The following PLXDC2 variants were observed in gnomAD, a reference collection of about 807,000 sequenced individuals.
PLXDC2 encodes the protein plexin domain containing 2, also known as plexin domain-containing protein 2.
PLXDC2 carries 40 observed loss-of-function variants against 68.9 expected under a neutral mutation model. The observed-to-expected ratio is 0.58, with a 90% CI of 0.45 to 0.76. The LOEUF is 0.76. Ranked by LOEUF, PLXDC2 falls within the 30% of genes least tolerant of loss-of-function variation. The pLI, the probability that PLXDC2 is intolerant of heterozygous loss-of-function variation, is 0.00. For missense variants in PLXDC2, 644 were observed against 661.9 expected (o/e 0.97, Z 0.30); for synonymous variants, 243 against 234.2 (o/e 1.04, Z -0.34).
At chr10:19,852,363 C>A (rs1306023009) in intron 1 of PLXDC2, among the ~76,000 whole-genome samples, 1 of 131,330 alleles carries the variant, frequency 7.6e-6, no homozygotes, top group Admixed American at 9.0e-5. Flanking sequence ...GAGATTGAGG[C>A]TGCAGTGAGC....
intron 4 of PLXDC2, among the ~76,000 whole-genome samples, chr10:20,082,181 ATTAT>A (rs1394432092): frequency 6.6e-6 from 1 of 151,942 alleles, no homozygotes; most frequent in Non-Finnish European, 1.5e-5. Flanking sequence ...TAAAAAGGAC[ATTAT>A]GTAAACAGAA....
chr10:20,026,440 C>T (rs943907319), intron 2 of PLXDC2, among the ~76,000 whole-genome samples: 71 of 152,114 alleles, frequency 4.7e-4, no homozygotes, highest in African/African-American at 1.6e-3. Context: ...TCAATTTAAT[C>T]ATGTGATTTA....
chr10:19,969,905 C>G (rs751628896), intron 1 of PLXDC2, among the ~76,000 whole-genome samples: 1 of 152,182 alleles, frequency 6.6e-6, no homozygotes, highest in Non-Finnish European at 1.5e-5. Context: ...ATACTGCATA[C>G]AATCCAGAGG....
At chr10:19,887,094 C>G (rs1429917883) in intron 1 of PLXDC2, among the ~76,000 whole-genome samples, 2 of 152,186 alleles carry the variant, frequency 1.3e-5, no homozygotes, top group Non-Finnish European at 2.9e-5. Context: ...TTGAAAACCA[C>G]TAGTTAGGAT....
chr10:20,171,900 G>T (rs773473525), intron 7 of PLXDC2, among the ~76,000 whole-genome samples: 2 of 152,010 alleles, frequency 1.3e-5, no homozygotes, highest in Admixed American at 6.6e-5. Context: ...ACTTGAGCCC[G>T]CCAGTTCCAG....
At chr10:19,885,410 A>G (rs1254093468) in intron 1 of PLXDC2, among the ~76,000 whole-genome samples, 2 of 152,116 alleles carry the variant, frequency 1.3e-5, no homozygotes, top group Admixed American at 1.3e-4. Flanking sequence ...TTGGTGTTTT[A>G]GACATGAAGT....
In PLXDC2 at chr10:19,975,440, A is replaced by G. The variant is rs1834436619; in HGVS notation, c.113-26335A>G. Among the ~76,000 whole-genome samples, 6 of 152,304 alleles carry G rather than the reference A, an allele frequency of 3.9e-5. No homozygotes were observed. In the South Asian group the frequency reaches 1.2e-3, roughly 32 times the overall value. On this transcript the variant is annotated intron_variant, in intron 1 of 13. Transcript: ENST00000377252. ...GCCTCTGCCCTCCAGCCTGGGAGAC[A>G]GAGCGAGACTCCATCTCAAATAAAT...
chr10:19,887,203 A>G (rs10827894), intron 1 of PLXDC2, among the ~76,000 whole-genome samples: 53,895 of 151,974 alleles, frequency 0.35, 10,077 homozygotes, highest in African/African-American at 0.44. Context: ...TTAAAACATA[A>G]TAGTAGAGAA....
intron 2 of PLXDC2, among the ~76,000 whole-genome samples, chr10:20,042,479 C>T (rs1018840154): frequency 1.3e-5 from 2 of 151,850 alleles, no homozygotes; most frequent in Admixed American, 6.6e-5. Context: ...AAGTGGTGGC[C>T]CATTGATTCA....
At chr10:20,145,000 T>G (rs1199418998) in intron 5 of PLXDC2, among the ~76,000 whole-genome samples, 1 of 152,220 alleles carries the variant, frequency 6.6e-6, no homozygotes, top group Non-Finnish European at 1.5e-5. Flanking sequence ...ACTGAACTCT[T>G]AAGTTCTTTA....
intron 3 of PLXDC2, among the ~76,000 whole-genome samples, chr10:20,047,914 T>C (rs1164110131): frequency 6.6e-6 from 1 of 152,134 alleles, no homozygotes; most frequent in African/African-American, 2.4e-5. Flanking sequence ...TCACACTTGG[T>C]TCTCAGAATG....
intron 1 of PLXDC2, among the ~76,000 whole-genome samples, chr10:19,947,492 T>A (rs1372898604): frequency 6.6e-6 from 1 of 152,228 alleles, no homozygotes; most frequent in Non-Finnish European, 1.5e-5. Flanking sequence ...GATGTTCTGA[T>A]AACAAAATAT....
intron 1 of PLXDC2, among the ~76,000 whole-genome samples, chr10:19,859,019 CGA>C (rs60326474): frequency 0.013 from 1,644 of 130,122 alleles, 9 homozygotes; most frequent in African/African-American, 0.021. Context: ...AGAAAAGCAG[CGA>C]GAGAGAGAGA....
intron 12 of PLXDC2, among the ~76,000 whole-genome samples, chr10:20,238,655 C>CA (rs771913862): frequency 0.086 from 7,002 of 81,718 alleles, 341 homozygotes; most frequent in East Asian, 0.1. Context: ...GACTCCATCT[C>CA]AAAAAAAATA....
intron 1 of PLXDC2, among the ~76,000 whole-genome samples, chr10:19,930,473 A>G (rs1833609647): frequency 6.6e-6 from 1 of 152,136 alleles, no homozygotes; most frequent in Non-Finnish European, 1.5e-5. Flanking sequence ...ATGAAATGCA[A>G]TGAAGCTGAT....
intron 7 of PLXDC2, 58 bp downstream of exon 7, chr10:20,164,625 A>C: frequency 1.5e-6 from 2 of 1,325,846 alleles, no homozygotes; most frequent in Non-Finnish European, 2.2e-6. Context: ...AATTTAAAGG[A>C]GATTGGTCTA....
At chr10:20,078,581 G>T (rs991774007) in intron 4 of PLXDC2, among the ~76,000 whole-genome samples, 1 of 152,176 alleles carries the variant, frequency 6.6e-6, no homozygotes, top group Non-Finnish European at 1.5e-5. Flanking sequence ...TATTGTGATG[G>T]TAATTTTTTA....
intron 1 of PLXDC2, among the ~76,000 whole-genome samples, chr10:19,996,582 G>T (rs557924606): frequency 5.2e-5 from 7 of 135,144 alleles, no homozygotes; most frequent in African/African-American, 2.4e-4. Context: ...GCAAGACCCT[G>T]TCTCTAAAAC....
In PLXDC2 at chr10:20,122,677, A is replaced by C. The variant is rs11527580; in HGVS notation, c.542-20618A>C. Among the ~76,000 whole-genome samples, 81 of 152,282 alleles carry C rather than the reference A, an allele frequency of 5.3e-4. No homozygotes were observed. In the East Asian group the frequency reaches 0.014, roughly 26 times the overall value. On this transcript the variant is annotated intron_variant, in intron 4 of 13. Coordinates refer to ENST00000377252, the MANE Select transcript of PLXDC2 (RefSeq NM_032812.9). ...AATGTCTGGCCGCTGCGGTTCAGGC[A>C]TTTGGAAGTTCTTGTGTGCTGGAGA...
Sources: gnomAD v4.1 joint callset for allele counts (sites outside exome capture counted in the v4.1 genomes callset) on GRCh38, gnomAD v4.1.1 for gene constraint, MANE v1.5 for transcripts, NCBI Gene and HGNC (gene_info 2026-07-23, HGNC 2026-07-21) for gene names.